Variants in GRM5 observed in about 807,000 individuals in gnomAD.
GRM5 encodes metabotropic glutamate receptor 5.
In GRM5, 19 loss-of-function variants were observed where a neutral mutation model predicts 83.1. The ratio of observed to expected loss-of-function variants is 0.23; its 90% CI spans 0.16 to 0.34. The LOEUF (loss-of-function observed/expected upper bound fraction) is 0.34, where lower values mean the gene tolerates loss of function less well. GRM5 is among the 10% of genes least tolerant of loss of function. The pLI, the probability that GRM5 is intolerant of heterozygous loss-of-function variation, is 1.00. For synonymous variants in GRM5, 675 were observed against 633.6 expected (o/e 1.07, Z -0.98); for missense variants, 1,160 against 1,588.3 (o/e 0.73, Z 4.58).
chr11:88,590,314 A>T (rs2135207165), intron 7 of GRM5, among the ~76,000 whole-genome samples: 1 of 152,302 alleles, frequency 6.6e-6, no homozygotes, highest in Admixed American at 6.5e-5. Context: ...GACCCTATTT[A>T]GGAACTTCTG....
intron 2 of GRM5, among the ~76,000 whole-genome samples, chr11:88,872,004 C>A (rs1264265401): frequency 6.6e-6 from 1 of 151,492 alleles, no homozygotes; most frequent in Non-Finnish European, 1.5e-5. Flanking sequence ...TTATCAAGTA[C>A]TGTTTCCATT....
chr11:88,578,351 G>A (rs540476067), intron 7 of GRM5, among the ~76,000 whole-genome samples: 1 of 152,206 alleles, frequency 6.6e-6, no homozygotes, highest in East Asian at 1.9e-4. Context: ...AATGTTTCTT[G>A]TTCTAAGGGG....
intron 4 of GRM5, among the ~76,000 whole-genome samples, chr11:88,638,240 G>T (rs558105458): frequency 3.3e-5 from 5 of 151,402 alleles, no homozygotes; most frequent in African/African-American, 1.2e-4. Flanking sequence ...CACCAGCATG[G>T]CACATGTATA....
chr11:88,880,453 T>G (rs778371827), intron 2 of GRM5, among the ~76,000 whole-genome samples: 2 of 152,158 alleles, frequency 1.3e-5, no homozygotes, highest in Non-Finnish European at 2.9e-5. Context: ...GGACCCCAAA[T>G]TGGCATAGTT....
At chr11:89,065,416 C>G (rs1323953936) in intron 1 of GRM5, among the ~76,000 whole-genome samples, 1 of 147,300 alleles carries the variant, frequency 6.8e-6, no homozygotes, top group Admixed American at 6.8e-5. Context: ...TTTTTTAGTT[C>G]GTTTTCTATG....
At chr11:88,851,752 A>C (rs1257689454) in intron 2 of GRM5, among the ~76,000 whole-genome samples, 1 of 152,224 alleles carries the variant, frequency 6.6e-6, no homozygotes, top group Non-Finnish European at 1.5e-5. Flanking sequence ...AACAAACTGC[A>C]AAGGGCAGAG....
In GRM5 at chr11:88,509,269, C is replaced by T. The variant is rs1414160173; in HGVS notation, c.2962G>A (p.Gly988Ser). 4 of 1,472,998 alleles carry T rather than the reference C, an allele frequency of 2.7e-6. No individual in the cohort carries two copies. Among genetic ancestry groups the T allele is most frequent in the Admixed American group, 2.8e-5 (1 of 35,446 alleles). The allele number at this position is 1,472,998 out of a possible 1,614,324, so 91.2% of individuals were successfully genotyped here. A position where few individuals can be genotyped will look rare whatever the true frequency, so the allele number is the denominator to read the frequency against. The change falls in exon 10 of 10, where the codon GGC (glycine) becomes AGC (serine). Residue 988 changes from glycine (G) to serine (S), a missense_variant. By Grantham distance (56) the Gly-to-Ser change is moderately conservative. Coordinates refer to ENST00000305447, the MANE Select transcript of GRM5 (RefSeq NM_001143831.3). ...CCGGCGTCTGGGGACTCGGGCCCGC[C>T]TGGGCCGGCGCCTGCGCAGCCCGCA... is the stretch of plus-strand genomic sequence containing the variant. ...GGAGCAGAGP[G>S]GPESPDAGPK...
intron 3 of GRM5, among the ~76,000 whole-genome samples, chr11:88,765,234 C>T (rs1213295690): frequency 6.6e-6 from 1 of 150,896 alleles, no homozygotes; most frequent in African/African-American, 2.4e-5. Context: ...AAGAAAAACC[C>T]TGGGAATCAA....
intron 3 of GRM5, among the ~76,000 whole-genome samples, chr11:88,755,439 T>C (rs961763113): frequency 3.3e-5 from 5 of 152,150 alleles, no homozygotes; most frequent in Admixed American, 3.3e-4. Context: ...TTTAATCATA[T>C]GGTAGGAAAA....
chr11:88,645,196 T>C (rs937013412), intron 4 of GRM5, among the ~76,000 whole-genome samples: 1 of 152,068 alleles, frequency 6.6e-6, no homozygotes, highest in African/African-American at 2.4e-5. Flanking sequence ...GATGGTTGTG[T>C]GAGTAGTTCC....
At chr11:88,841,321 T>A (rs554250965) in intron 3 of GRM5, among the ~76,000 whole-genome samples, 2 of 152,182 alleles carry the variant, frequency 1.3e-5, no homozygotes, top group Admixed American at 1.3e-4. Context: ...ATCTTGACAA[T>A]TTTTAAGCCA....
At chr11:88,608,733 G>C (rs1475040188) in intron 4 of GRM5, among the ~76,000 whole-genome samples, 2 of 151,866 alleles carry the variant, frequency 1.3e-5, no homozygotes, top group African/African-American at 2.4e-5. Context: ...TGTTAGCCAG[G>C]ATGGTCTCGA....
intron 4 of GRM5, 104 bp from the exon 5 acceptor site, chr11:88,605,068 G>T: frequency 1.2e-6 from 1 of 869,144 alleles, no homozygotes; most frequent in Non-Finnish European, 1.8e-6. Context: ...ATGCACTGGA[G>T]CAATTTTATC....
chr11:88,897,009 C>G (rs1290262624), intron 2 of GRM5, among the ~76,000 whole-genome samples: 1 of 151,956 alleles, frequency 6.6e-6, no homozygotes, highest in African/African-American at 2.4e-5. Context: ...AGACCCTGAA[C>G]TCCAGGACAA....
In GRM5 at chr11:88,672,817, A is replaced by G. The variant is rs147037159; in HGVS notation, c.912-19414T>C. Among the ~76,000 whole-genome samples, 7 of 152,156 alleles carry G rather than the reference A, an allele frequency of 4.6e-5. No individual in the cohort carries two copies. The East Asian group carries it at 1.3e-3, about 29-fold the overall frequency. On this transcript the variant is annotated intron_variant, in intron 3 of 9. Transcript: ENST00000305447. The stretch of plus-strand genomic sequence containing the variant: ...AAAGGTACTAAAAAGTAAAATGGAC[A>G]TGATTGAGACAGAATAAATCAATCA...
intron 7 of GRM5, among the ~76,000 whole-genome samples, chr11:88,577,280 G>A (rs919176188): frequency 6.6e-5 from 10 of 151,950 alleles, no homozygotes; most frequent in Non-Finnish European, 1.3e-4. Flanking sequence ...TTCTCCAGTT[G>A]AGCTATGGGC....
intron 2 of GRM5, among the ~76,000 whole-genome samples, chr11:88,856,484 C>T (rs1287005467): frequency 6.6e-6 from 1 of 151,958 alleles, no homozygotes; most frequent in East Asian, 1.9e-4. Flanking sequence ...GATAACAATG[C>T]CTTCTTCTGG....
chr11:88,531,333 G>T lies in GRM5; in HGVS notation c.2631-5929C>A, dbSNP rs113295966. On this transcript the variant is annotated intron_variant, in intron 8 of 9. Transcript: ENST00000305447. ...GTGAAGCGGTTGAATAAGAAGGGGG[G>T]TTTAATCATTAAATAGGAATTATAG... Among the ~76,000 whole-genome samples, 413 of 152,202 alleles carry T rather than the reference G, an allele frequency of 2.7e-3. 2 individuals are homozygous for T. The highest frequency in any genetic ancestry group is 9.3e-3 in the African/African-American group (386 of 41,556).
intron 3 of GRM5, among the ~76,000 whole-genome samples, chr11:88,843,380 A>T (rs1944238615): frequency 6.6e-6 from 1 of 152,082 alleles, no homozygotes; most frequent in South Asian, 2.1e-4. Context: ...TAATAAACGT[A>T]TCCGTCACCT....
Sources: allele counts gnomAD v4.1 joint callset (sites outside exome capture counted in the v4.1 genomes callset), GRCh38; gene constraint gnomAD v4.1.1; transcripts MANE v1.5; gene names NCBI Gene and HGNC (gene_info 2026-07-23, HGNC 2026-07-21).